PARD3: variants seen among roughly 807,000 people sequenced by gnomAD.
PARD3 encodes partitioning defective 3 homolog.
PARD3 carries 75 observed loss-of-function variants against 155.4 expected under a neutral mutation model. The ratio of observed to expected loss-of-function variants is 0.48; its 90% CI spans 0.40 to 0.58. The LOEUF (loss-of-function observed/expected upper bound fraction) is 0.58, where lower values mean the gene tolerates loss of function less well. Ranked by LOEUF, PARD3 falls within the 20% of genes least tolerant of loss-of-function variation. The pLI is 0.00. For missense variants in PARD3, 1,642 were observed against 1,721.7 expected, an observed-to-expected ratio of 0.95 and a Z score of 0.82; for synonymous variants, 576 against 610.5, an observed-to-expected ratio of 0.94 and a Z score of 0.83.
At chr10:34,591,102 A>G (rs1344049297) in intron 2 of PARD3, among the ~76,000 whole-genome samples, 3 of 152,120 alleles carry the variant, frequency 2.0e-5, no homozygotes, top group African/African-American at 7.2e-5. Context: ...AGAGGGCCCC[A>G]GTCCCAGTCA....
At chr10:34,114,257 A>C (rs1946548335) in intron 24 of PARD3, among the ~76,000 whole-genome samples, 1 of 152,202 alleles carries the variant, frequency 6.6e-6, no homozygotes, top group Non-Finnish European at 1.5e-5. Flanking sequence ...GTGAGACCTC[A>C]TCTCTAAAAG....
At chr10:34,538,101 C>G (rs144790821) in intron 2 of PARD3, among the ~76,000 whole-genome samples, 1 of 152,148 alleles carries the variant, frequency 6.6e-6, no homozygotes, top group Non-Finnish European at 1.5e-5. Flanking sequence ...AGCCGAGATC[C>G]GCCACTGCAC....
rs540870733 is a variant in PARD3, at chr10:34,232,007, G to C, written c.3419+37650C>G. Among the ~76,000 whole-genome samples, 17 of 152,144 alleles carry C rather than the reference G, an allele frequency of 1.1e-4. No individual in the cohort carries two copies. In the South Asian group the frequency reaches 3.5e-3, roughly 32 times the overall value. On this transcript the variant is annotated intron_variant, in intron 22 of 24. Coordinates refer to ENST00000374788, the MANE Select transcript of PARD3 (RefSeq NM_001184785.2). ...CTTACATACCAAGAGATAATAGGCC[G>C]AAACACTCAGCGCTATGTTAGGCGC...
At chr10:34,735,543 C>A (rs2133843878) in intron 1 of PARD3, among the ~76,000 whole-genome samples, 1 of 152,286 alleles carries the variant, frequency 6.6e-6, no homozygotes, top group East Asian at 1.9e-4. Context: ...GCTGCCAGTC[C>A]CAAAATCTGG....
chr10:34,670,513 T>G lies in PARD3; in HGVS notation c.222+25805A>C, dbSNP rs75902487. On this transcript the variant is annotated intron_variant, in intron 2 of 24. Coordinates refer to ENST00000374788, the MANE Select transcript of PARD3 (RefSeq NM_001184785.2). Reference sequence around the variant, plus strand: ...TGGCAATGTTTAGGCTGGATTCACTTTGGGACCTTTGCGGGAGGAAGTGAG... The same window carrying G: ...TGGCAATGTTTAGGCTGGATTCACTGTGGGACCTTTGCGGGAGGAAGTGAG... Among the ~76,000 whole-genome samples, 1,490 of 152,306 alleles carry G rather than the reference T, an allele frequency of 9.8e-3. 28 individuals are homozygous for G. The highest frequency in any genetic ancestry group is 0.034 in the African/African-American group (1,412 of 41,564).
At chr10:34,261,639 C>A (rs969734324) in intron 22 of PARD3, among the ~76,000 whole-genome samples, 3 of 151,150 alleles carry the variant, frequency 2.0e-5, no homozygotes, top group Non-Finnish European at 4.4e-5. Flanking sequence ...CAGTGAGCCA[C>A]GATCACACCA....
At chr10:34,563,441 A>G (rs1288016371) in intron 2 of PARD3, among the ~76,000 whole-genome samples, 7 of 151,996 alleles carry the variant, frequency 4.6e-5, no homozygotes, top group African/African-American at 7.3e-5. Flanking sequence ...ATCTCGGCTC[A>G]CTGCAACCTC....
chr10:34,551,517 G>C (rs1319459109), intron 2 of PARD3, among the ~76,000 whole-genome samples: 3 of 152,190 alleles, frequency 2.0e-5, no homozygotes, highest in Non-Finnish European at 2.9e-5. Context: ...AATTGCAACA[G>C]CCCTTGGGCT....
intron 2 of PARD3, among the ~76,000 whole-genome samples, chr10:34,593,224 C>T (rs900726627): frequency 6.6e-6 from 1 of 152,126 alleles, no homozygotes; most frequent in African/African-American, 2.4e-5. Flanking sequence ...TGTAAGTAAT[C>T]AAATCAGATA....
intron 2 of PARD3, among the ~76,000 whole-genome samples, chr10:34,625,816 C>T (rs928002475): frequency 1.3e-5 from 2 of 152,080 alleles, no homozygotes; most frequent in African/African-American, 4.8e-5. Flanking sequence ...GAGGCTGAGG[C>T]AGGAGAATAG....
intron 1 of PARD3, among the ~76,000 whole-genome samples, chr10:34,703,536 A>G (rs112469286): frequency 6.6e-6 from 1 of 152,240 alleles, no homozygotes; most frequent in African/African-American, 2.4e-5. Flanking sequence ...AGCAACTTGA[A>G]TAACAGGAGT....
chr10:34,452,850 T>C (rs1353775996), intron 4 of PARD3, among the ~76,000 whole-genome samples: 5 of 152,192 alleles, frequency 3.3e-5, no homozygotes, highest in Non-Finnish European at 7.4e-5. Context: ...CTAAAACATT[T>C]AGAATTAGCT....
chr10:34,452,508 CT>C (rs899645024), intron 4 of PARD3, among the ~76,000 whole-genome samples: 4 of 152,154 alleles, frequency 2.6e-5, no homozygotes, highest in Admixed American at 2.6e-4. Flanking sequence ...AAAAGATCTA[CT>C]TTTGAAATGA....
chr10:34,131,768 T>C (rs1179211313), intron 22 of PARD3, among the ~76,000 whole-genome samples, 185 bp from the exon 23 acceptor site: 1 of 152,216 alleles, frequency 6.6e-6, no homozygotes, highest in African/African-American at 2.4e-5. Context: ...CTTATTGAGG[T>C]ATTTTAGACA....
In PARD3 at chr10:34,401,827, C is replaced by A; in HGVS notation, c.805G>T (p.Asp269Tyr). 1 of 1,603,978 alleles carries A rather than the reference C, an allele frequency of 6.2e-7. No individual in the cohort carries two copies. Among genetic ancestry groups the A allele is most frequent in the Non-Finnish European group, 8.5e-7 (1 of 1,170,874 alleles). Reference sequence around the variant, plus strand: ...TAGTTGAAACCATCAGTAACTTACTCCAGAGAAAAGTTGGGTATATGCTCC... The same window carrying A: ...TAGTTGAAACCATCAGTAACTTACTACAGAGAAAAGTTGGGTATATGCTCC... ...GLEHIPNFSL[D>Y]DMVKLVEVPN... Residue 269 changes from aspartate to tyrosine, a missense_variant and splice_region_variant, in exon 6 of 25, where the codon GAT becomes TAT. Transcript: ENST00000374788.
intron 22 of PARD3, among the ~76,000 whole-genome samples, chr10:34,188,545 G>A (rs1950577130): frequency 6.6e-6 from 1 of 152,030 alleles, no homozygotes; most frequent in Non-Finnish European, 1.5e-5. Context: ...GCACATACAA[G>A]CTTTACGTAC....
At chr10:34,800,918 A>G (rs1181962865) in intron 1 of PARD3, among the ~76,000 whole-genome samples, 2 of 152,244 alleles carry the variant, frequency 1.3e-5, no homozygotes, top group Non-Finnish European at 2.9e-5. Context: ...GAATCTATAA[A>G]GAAAGCAGCT....
chr10:34,250,156 C>CG (rs1954216087), intron 22 of PARD3, among the ~76,000 whole-genome samples: 1 of 151,604 alleles, frequency 6.6e-6, no homozygotes, highest in African/African-American at 2.4e-5. Flanking sequence ...GCTCCCCCTC[C>CG]ACACACACAC....
chr10:34,522,084 T>C (rs1250536034), intron 2 of PARD3, among the ~76,000 whole-genome samples: 2 of 152,168 alleles, frequency 1.3e-5, no homozygotes, highest in African/African-American at 4.8e-5. Flanking sequence ...AAAGGGACTT[T>C]GCAGACAGGA....
Sources: gnomAD v4.1 joint callset for allele counts (sites outside exome capture counted in the v4.1 genomes callset) on GRCh38, gnomAD v4.1.1 for gene constraint, MANE v1.5 for transcripts, NCBI Gene and HGNC (gene_info 2026-07-23, HGNC 2026-07-21) for gene names.